Variants in GP6 observed in about 807,000 individuals in gnomAD.
GP6 encodes platelet glycoprotein VI.
In GP6, 45 loss-of-function variants were observed where a neutral mutation model predicts 37.3. That is an observed-to-expected ratio of 1.21 (90% confidence interval 0.95 to 1.55). The LOEUF is 1.55. Among genes scored for constraint, GP6 ranks in the 40% most tolerant of loss-of-function variants. The pLI, the probability that GP6 is intolerant of heterozygous loss-of-function variation, is 0.00. For missense variants in GP6, 813 were observed against 760.2 expected, an observed-to-expected ratio of 1.07 and a Z score of -0.82; for synonymous variants, 340 against 316.4, an observed-to-expected ratio of 1.07 and a Z score of -0.79.
At chr19:55,015,194 G>C (rs755934107) in intron 7 of GP6, 29 bp from the exon 8 acceptor site, 8 of 1,551,108 alleles carry the variant, frequency 5.2e-6, no homozygotes, top group Non-Finnish European at 7.0e-6. Context: ...GCAGGAGCAG[G>C]TGAAAGAGCC....
intron 7 of GP6, among the ~76,000 whole-genome samples, 185 bp downstream of exon 7, chr19:55,015,498 A>G (rs1388414726): frequency 6.6e-6 from 1 of 152,150 alleles, no homozygotes; most frequent in Non-Finnish European, 1.5e-5. Context: ...GACCCTTTTT[A>G]AAATCTCAAC....
chr19:55,018,777 C>T, intron 5 of GP6, 66 bp from the exon 6 acceptor site: 3 of 1,054,180 alleles, frequency 2.8e-6, no homozygotes, highest in South Asian at 1.3e-5. Flanking sequence ...ATCTCCATTC[C>T]CCTTTTGAGA....
chr19:55,037,518 G>C (rs1200039277), intron 1 of GP6, among the ~76,000 whole-genome samples: 1 of 150,006 alleles, frequency 6.7e-6, no homozygotes, highest in Admixed American at 6.7e-5. Flanking sequence ...TGTATTTTTA[G>C]TAGAGATGGG....
intron 5 of GP6, among the ~76,000 whole-genome samples, chr19:55,024,286 A>ATGCACT (rs1346690939): frequency 7.3e-6 from 1 of 137,190 alleles, no homozygotes. Context: ...GCACACACAC[A>ATGCACT]CATATGCACG....
At chr19:55,030,970 T>C (rs985420878) in intron 3 of GP6, among the ~76,000 whole-genome samples, 1 of 152,126 alleles carries the variant, frequency 6.6e-6, no homozygotes, top group Admixed American at 6.6e-5. Flanking sequence ...TGCCTCAGCC[T>C]CCTGAGTAGC....
intron 5 of GP6, among the ~76,000 whole-genome samples, chr19:55,020,447 A>G (rs1009152680): frequency 1.3e-5 from 2 of 151,862 alleles, no homozygotes; most frequent in African/African-American, 4.8e-5. Flanking sequence ...TTCAGCTGCC[A>G]CTTACAAGTG....
intron 5 of GP6, among the ~76,000 whole-genome samples, chr19:55,020,902 A>C (rs575621728): frequency 3.3e-5 from 5 of 151,640 alleles, no homozygotes; most frequent in Non-Finnish European, 7.4e-5. Context: ...AAATCCAAAA[A>C]TTAGCCAGGC....
rs755141586 is a variant in GP6, at chr19:55,014,846, A to G, written c.1099T>C (p.Trp367Arg). The stretch of plus-strand genomic sequence containing the variant: ...CTCTGCCCTCCTGCTTCCACGCTCC[A>G]CACACGCCAGTCTTTGAGTCGCCTC... Residue 367 changes from tryptophan to arginine, a missense_variant, in exon 8 of 8, where the codon TGG becomes CGG. Coordinates refer to ENST00000310373, the MANE Select transcript of GP6 (RefSeq NM_001083899.2). 1.9e-6 allele frequency: 3 copies of G among 1,614,010 alleles called. No individual in the cohort carries two copies. Among genetic ancestry groups the G allele is most frequent in the South Asian group, 1.1e-5 (1 of 91,070 alleles).
intron 6 of GP6, among the ~76,000 whole-genome samples, chr19:55,016,739 T>A (rs17836526): frequency 0.049 from 7,405 of 151,854 alleles, 318 homozygotes; most frequent in East Asian, 0.15. Flanking sequence ...TGCTGGGCCA[T>A]GGGAACCCAA....
intron 6 of GP6, 49 bp from the exon 7 acceptor site, chr19:55,015,782 C>G: frequency 2.1e-6 from 2 of 972,928 alleles, no homozygotes; most frequent in Non-Finnish European, 3.4e-6. Flanking sequence ...TATTCCCGCC[C>G]CCTGTCACTG....
intron 1 of GP6, 130 bp from the exon 2 acceptor site, chr19:55,032,668 C>T (rs2074612204): frequency 5.0e-6 from 5 of 1,001,748 alleles, no homozygotes; most frequent in African/African-American, 3.2e-5. Context: ...AAAAGACACA[C>T]AGGAATGTAA....
At chr19:55,020,031 GC>G (rs1225040905) in intron 5 of GP6, among the ~76,000 whole-genome samples, 1 of 151,922 alleles carries the variant, frequency 6.6e-6, no homozygotes, top group East Asian at 1.9e-4. Flanking sequence ...TTCCTGAACT[GC>G]CTCAGCTGAT....
chr19:55,014,545 G>A lies in GP6; in HGVS notation c.1400C>T (p.Ser467Phe). 2 of 1,613,548 alleles carry A rather than the reference G, an allele frequency of 1.2e-6. No homozygotes were observed. Among genetic ancestry groups the A allele is most frequent in the South Asian group, 2.2e-5 (2 of 91,070 alleles). Residue 467 changes from serine (S) to phenylalanine (F), a missense_variant, in exon 8 of 8, where the codon TCC (serine) becomes TTC (phenylalanine). By Grantham distance (155) the Ser-to-Phe change is radical (BLOSUM62 -2). Transcript: ENST00000310373. ...AAGCACGGGAGGATTTTGCACAGAG[G>A]ATGGAACAGAGTCAACCCTGAGAGC...
At chr19:55,024,318 A>ACACATGCACGCATG (rs1568613039) in intron 5 of GP6, among the ~76,000 whole-genome samples, 36 of 124,082 alleles carry the variant, frequency 2.9e-4, no homozygotes, top group African/African-American at 1.3e-3. Flanking sequence ...ATATGCACGC[A>ACACATGCACGCATG]CACACACATA....
chr19:55,027,820 G>A lies in GP6; in HGVS notation c.368C>T (p.Ala123Val). Residue 123 changes from alanine (A) to valine (V), a missense_variant, in exon 4 of 8, where the codon GCG (alanine) becomes GTG (valine). Transcript: ENST00000310373. ...GGTTACGTCCCCTCCTGACGACACC[G>A]CCGGGCCGGGCTGGGCTGAGAGCGA... 7 of 1,614,064 alleles carry A rather than the reference G, an allele frequency of 4.3e-6. No individual in the cohort carries two copies. Among genetic ancestry groups the A allele is most frequent in the Non-Finnish European group, 5.9e-6 (7 of 1,179,916 alleles).
In GP6 at chr19:55,014,100, C is replaced by T; in HGVS notation, c.1845G>A (p.Met615Ile). The T allele has an allele frequency of 1.5e-6, 1 of 669,930 alleles. No individual in the cohort carries two copies. The highest frequency in any genetic ancestry group is 2.9e-5 in the East Asian group (1 of 34,558). 41.5% of individuals were successfully genotyped at this position (669,930 alleles called of 1,614,324 possible). A position where few individuals can be genotyped will look rare whatever the true frequency, so the allele number is the denominator to read the frequency against. The change falls in exon 8 of 8, where the codon ATG (methionine) becomes ATA (isoleucine). Residue 615 changes from methionine to isoleucine, a missense_variant. Coordinates refer to ENST00000310373, the MANE Select transcript of GP6 (RefSeq NM_001083899.2). ...GCTATGATCAAATCAGGGTAATTGA[C>T]ATATTCATCCCTGTATTTTTTGAGA...
At chr19:55,028,235 T>G (rs1373352899) in intron 3 of GP6, among the ~76,000 whole-genome samples, 1 of 152,246 alleles carries the variant, frequency 6.6e-6, no homozygotes, top group African/African-American at 2.4e-5. Context: ...AGTAAATAGC[T>G]TAAGCTTATA....
rs1568623679 is a variant in GP6, at chr19:55,027,819, C to CGCCGG, written c.364_368dup (p.Val124ArgfsTer9). 6 of 1,614,156 alleles carry CGCCGG rather than the reference C, an allele frequency of 3.7e-6. No individual in the cohort carries two copies. The highest frequency in any genetic ancestry group is 2.7e-5 in the African/African-American group (2 of 75,056). ...GGGTTACGTCCCCTCCTGACGACAC[C>CGCCGG]GCCGGGCCGGGCTGGGCTGAGAGCG... On this transcript the variant is annotated frameshift_variant, in exon 4 of 8. Transcript: ENST00000310373. LOFTEE classifies it high-confidence loss of function.
intron 5 of GP6, among the ~76,000 whole-genome samples, chr19:55,024,905 GGTTA>G (rs977112810): frequency 2.2e-5 from 3 of 134,342 alleles, no homozygotes; most frequent in Non-Finnish European, 3.3e-5. Flanking sequence ...TTGGTTGGTT[GGTTA>G]GTTTGTTTGT....
Sources: allele counts gnomAD v4.1 joint callset (sites outside exome capture counted in the v4.1 genomes callset), GRCh38; gene constraint gnomAD v4.1.1; transcripts MANE v1.5; gene names NCBI Gene and HGNC (gene_info 2026-07-23, HGNC 2026-07-21).